Variants in NPFFR1 observed in about 807,000 individuals in gnomAD.
NPFFR1 encodes G-protein coupled receptor 147.
Under a neutral mutation model 12.7 loss-of-function variants are expected in NPFFR1, and 17 were observed. The ratio of observed to expected loss-of-function variants is 1.34; its 90% CI spans 0.92 to 2.01. The LOEUF is 2.01. NPFFR1 is among the 30% of genes most tolerant of loss of function. The pLI, the probability that NPFFR1 is intolerant of heterozygous loss-of-function variation, is 0.00. For missense variants in NPFFR1, 604 were observed against 606.5 expected (o/e 1.00, Z 0.04); for synonymous variants, 296 against 264.5 (o/e 1.12, Z -1.16).
rs1440544219 is a variant in NPFFR1 at position 70,255,158 on chromosome 10, G to A, written c.1092C>T (p.Pro364=). The A allele has an allele frequency of 6.5e-7, 1 of 1,542,158 alleles. No individual in the cohort carries two copies. Among genetic ancestry groups the A allele is most frequent in the Non-Finnish European group, 8.7e-7 (1 of 1,145,728 alleles). The change falls in exon 4 of 4, where the codon CCC becomes CCT. Residue 364 remains proline (P), a synonymous_variant. Coordinates refer to ENST00000277942, the MANE Select transcript of NPFFR1 (RefSeq NM_022146.5). This position sits in a 1 kb window ranked among gnomAD's most constrained non-coding sequence, Gnocchi z 4.2. The part of the protein sequence containing the change: ...GSHKEAYSER[P]GGLLHRRVFV... ...AGACCCGCCTGTGCAGAAGCCCGCC[G>A]GGCCGCTCGGAGTAGGCCTCCTTGT... is the stretch of plus-strand genomic sequence containing the variant.
chr10:70,255,468 G>A lies in NPFFR1; in HGVS notation c.782C>T (p.Ala261Val), dbSNP rs1246229431. Residue 261 changes from alanine (A) to valine (V), a missense_variant, in exon 4 of 4, where the codon GCA becomes GTA. Coordinates refer to ENST00000277942, the MANE Select transcript of NPFFR1 (RefSeq NM_022146.5). This position sits in a 1 kb window ranked among gnomAD's most constrained non-coding sequence, Gnocchi z 4.2. The stretch of plus-strand genomic sequence containing the variant: ...CACCACGCGCGCTCTGCGCCGCGAT[G>A]CTCGCGGGTCCGCAGCCTCCTCGCC... ...PGGEEAADPR[A>V]SRRRARVVHM... The A allele has an allele frequency of 6.5e-7, 1 of 1,548,328 alleles. No individual in the cohort carries two copies. The highest frequency in any genetic ancestry group is 8.7e-7 in the Non-Finnish European group (1 of 1,146,114).
chr10:70,274,363 T>C (rs1252242926), intron 1 of NPFFR1, among the ~76,000 whole-genome samples: 1 of 152,042 alleles, frequency 6.6e-6, no homozygotes, highest in Non-Finnish European at 1.5e-5. Flanking sequence ...GCAGGAGAAT[T>C]GCTTGAACCC....
In NPFFR1 at chr10:70,255,937, G is replaced by T; in HGVS notation, c.423-110C>A. On this transcript the variant is annotated intron_variant, in intron 3 of 3. Coordinates refer to ENST00000277942, the MANE Select transcript of NPFFR1 (RefSeq NM_022146.5). This position sits in a 1 kb window ranked among gnomAD's most constrained non-coding sequence, Gnocchi z 4.2. The stretch of plus-strand genomic sequence containing the variant: ...CCTTCATCATCGCATCTAGGGCGGC[G>T]TCGAAGAACAGCTCAGACCTGAATT... The T allele has an allele frequency of 8.2e-7, 1 of 1,213,660 alleles. No individual in the cohort carries two copies. The allele number at this position is 1,213,660 out of a possible 1,614,324, so 75.2% of individuals were successfully genotyped here. A position where few individuals can be genotyped will look rare whatever the true frequency, so the allele number is the denominator to read the frequency against.
At chr10:70,282,987 A>G (rs758295779) in intron 1 of NPFFR1, among the ~76,000 whole-genome samples, 2 of 152,180 alleles carry the variant, frequency 1.3e-5, no homozygotes, top group Non-Finnish European at 2.9e-5. Context: ...CATCTCCCCA[A>G]CAACCCCACC....
In NPFFR1 at chr10:70,250,947, T is replaced by C. The variant is rs1188421742; in HGVS notation, c.*4010A>G. 6.6e-6 allele frequency: 1 copy of C among 152,230 alleles called. No homozygotes were observed. Among genetic ancestry groups the C allele is most frequent in the Non-Finnish European group, 1.5e-5 (1 of 68,052 alleles). The allele number at this position is 152,230 out of a possible 1,614,324, so 9.4% of individuals were successfully genotyped here. A position where few individuals can be genotyped will look rare whatever the true frequency, so the allele number is the denominator to read the frequency against. The stretch of plus-strand genomic sequence containing the variant: ...AGGACGCTATACTTGTCTCTTGCGG[T>C]AGGATTTTGGGTGCTTTTCATTTTC... On this transcript the variant is annotated 3_prime_UTR_variant, in exon 4 of 4. Transcript: ENST00000277942.
At chr10:70,262,743 T>C (rs989564691) in intron 2 of NPFFR1, among the ~76,000 whole-genome samples, 3 of 152,204 alleles carry the variant, frequency 2.0e-5, no homozygotes, top group Non-Finnish European at 2.9e-5. Flanking sequence ...TGGACAGATA[T>C]AGAAATAAAG....
intron 1 of NPFFR1, among the ~76,000 whole-genome samples, chr10:70,272,789 C>G (rs1840763712): frequency 6.6e-6 from 1 of 152,156 alleles, no homozygotes; most frequent in African/African-American, 2.4e-5. Flanking sequence ...GGGACCCGCC[C>G]CCAGATCCAG....
intron 1 of NPFFR1, among the ~76,000 whole-genome samples, chr10:70,274,435 C>T (rs1468308943): frequency 1.4e-5 from 2 of 147,254 alleles, no homozygotes; most frequent in South Asian, 2.2e-4. Flanking sequence ...GGCAACAGAG[C>T]GAGACTCCAT....
Position 70,254,646 on chromosome 10 carries a change from C to T in NPFFR1, c.*311G>A, listed in dbSNP as rs1840542880. The T allele has an allele frequency of 3.2e-6, 1 of 315,074 alleles. No homozygotes were observed. 19.5% of individuals were successfully genotyped at this position (315,074 alleles called of 1,614,324 possible). ...GAAACTTGGGTGAGTCACATCTCTC[C>T]AGGCCTCAGTTTTTGCATCTGTAGA... is the stretch of plus-strand genomic sequence containing the variant. On this transcript the variant is annotated 3_prime_UTR_variant, in exon 4 of 4. Transcript: ENST00000277942.
In NPFFR1 at chr10:70,268,147, C is replaced by T. The variant is rs577858888; in HGVS notation, c.8-1756G>A. Among the ~76,000 whole-genome samples, 17 of 152,216 alleles carry T rather than the reference C, an allele frequency of 1.1e-4. No homozygotes were observed. In the East Asian group the frequency reaches 1.5e-3, roughly 14 times the overall value. On this transcript the variant is annotated intron_variant, in intron 1 of 3. Coordinates refer to ENST00000277942, the MANE Select transcript of NPFFR1 (RefSeq NM_022146.5). ...GCTTTCAACAGTTATCAACTCGAGG[C>T]CTGGAGTTGTTTCATCCATATCCCC...
At position 70,258,950 on chromosome 10, in the gene NPFFR1, C is replaced by T. The variant is rs550500416; in HGVS notation, c.422+1690G>A. On this transcript the variant is annotated intron_variant, in intron 3 of 3. Coordinates refer to ENST00000277942, the MANE Select transcript of NPFFR1 (RefSeq NM_022146.5). The stretch of plus-strand genomic sequence containing the variant: ...TACCTCTCCCACAGCCTGACTCAGG[C>T]CTTGTTATCTCAACCTATATGACTT... Among the ~76,000 whole-genome samples, 9 of 152,254 alleles carry T rather than the reference C, an allele frequency of 5.9e-5. No individual in the cohort carries two copies. The South Asian group carries it at 1.9e-3, about 32-fold the overall frequency.
At position 70,266,348 on chromosome 10, in the gene NPFFR1, C is replaced by A; in HGVS notation, c.51G>T (p.Gln17His). The change falls in exon 2 of 4, where the codon CAG becomes CAT. Residue 17 changes from glutamine to histidine, a missense_variant. Transcript: ENST00000277942. ...QPPNSSWPLSQNGTNTEATPA... is the reference protein window; with the variant it reads ...QPPNSSWPLSHNGTNTEATPA... Reference sequence around the variant, plus strand: ...GGGTGGCCTCAGTGTTAGTCCCATTCTGACTTAGGGGCCAACTGCTGTTGG... The same window carrying A: ...GGGTGGCCTCAGTGTTAGTCCCATTATGACTTAGGGGCCAACTGCTGTTGG... 1 of 1,613,632 alleles carries A rather than the reference C, an allele frequency of 6.2e-7. No individual in the cohort carries two copies. The highest frequency in any genetic ancestry group is 8.5e-7 in the Non-Finnish European group (1 of 1,179,764).
rs535966201 is a variant in NPFFR1, at chr10:70,254,834, T to C, written c.*123A>G. 36 of 1,156,458 alleles carry C rather than the reference T, an allele frequency of 3.1e-5. No homozygotes were observed. The highest frequency in any genetic ancestry group is 3.9e-5 in the Admixed American group (1 of 25,692). The allele number at this position is 1,156,458 out of a possible 1,614,324, so 71.6% of individuals were successfully genotyped here. Reference sequence around the variant, plus strand: ...GACATCACCAGCAGCTGCCCACCACTGCCTGGCTCTGGAGAGGGAGGGACC... The same window carrying C: ...GACATCACCAGCAGCTGCCCACCACCGCCTGGCTCTGGAGAGGGAGGGACC... On this transcript the variant is annotated 3_prime_UTR_variant, in exon 4 of 4. Transcript: ENST00000277942.
chr10:70,267,913 C>G (rs1476508601), intron 1 of NPFFR1, among the ~76,000 whole-genome samples: 1 of 152,176 alleles, frequency 6.6e-6, no homozygotes, highest in Non-Finnish European at 1.5e-5. Context: ...GGCGGACAAC[C>G]TGCAAACTTC....
At chr10:70,279,550 C>G (rs1202210870) in intron 1 of NPFFR1, among the ~76,000 whole-genome samples, 1 of 152,140 alleles carries the variant, frequency 6.6e-6, no homozygotes, top group Non-Finnish European at 1.5e-5. Context: ...ACCTCCACCC[C>G]CTGGGCTTAA....
In NPFFR1 at chr10:70,255,323, G is replaced by A. The variant is rs1167681211; in HGVS notation, c.927C>T (p.Tyr309=). ...SAPQLHLVTV[Y]AFPFAHWLAF... Reference sequence around the variant, plus strand: ...CCAGCCAGTGCGCGAAGGGGAAGGCGTAGACGGTGACCAGGTGCAGCTGCG... The same window carrying A: ...CCAGCCAGTGCGCGAAGGGGAAGGCATAGACGGTGACCAGGTGCAGCTGCG... The change falls in exon 4 of 4, where the codon TAC becomes TAT. Residue 309 remains tyrosine, a synonymous_variant. Transcript: ENST00000277942. The surrounding 1 kb of genome is among the most constrained non-coding windows in gnomAD (Gnocchi z 4.2). The A allele has an allele frequency of 1.3e-6, 2 of 1,580,536 alleles. No homozygotes were observed. The highest frequency in any genetic ancestry group is 1.8e-5 in the Admixed American group (1 of 55,632).
intron 1 of NPFFR1, among the ~76,000 whole-genome samples, chr10:70,269,016 C>G (rs1840724624): frequency 6.6e-6 from 1 of 152,202 alleles, no homozygotes; most frequent in Admixed American, 6.5e-5. Flanking sequence ...TGTCTCTTTT[C>G]CCTTCTGCAG....
At chr10:70,258,348 G>A (rs532174205) in intron 3 of NPFFR1, among the ~76,000 whole-genome samples, 1 of 151,618 alleles carries the variant, frequency 6.6e-6, no homozygotes, top group Admixed American at 6.6e-5. Flanking sequence ...TGCAACCAGA[G>A]TTGAAAACAG....
At chr10:70,265,116 G>A (rs759720006) in intron 2 of NPFFR1, among the ~76,000 whole-genome samples, 25 of 152,192 alleles carry the variant, frequency 1.6e-4, no homozygotes, top group Non-Finnish European at 1.5e-4. Flanking sequence ...GTACTGTGGA[G>A]GGGAGCTGAC....
Sources: gnomAD v4.1 joint callset for allele counts (sites outside exome capture counted in the v4.1 genomes callset) on GRCh38, gnomAD v4.1.1 for gene constraint, Gnocchi (gnomAD v3.1) non-coding constraint, MANE v1.5 for transcripts, NCBI Gene and HGNC (gene_info 2026-07-23, HGNC 2026-07-21) for gene names.